KRT23: variants seen among roughly 807,000 people sequenced by gnomAD.
KRT23 encodes keratin, type I cytoskeletal 23.
In KRT23, 38 loss-of-function variants were observed where a neutral mutation model predicts 47.6. The ratio of observed to expected loss-of-function variants is 0.80; its 90% CI spans 0.62 to 1.05. KRT23 has a LOEUF of 1.05. Among genes scored for constraint, KRT23 ranks in the 50% least tolerant of loss-of-function variants. KRT23 has a pLI of 0.00. For missense variants in KRT23, 503 were observed against 529.5 expected (o/e 0.95, Z 0.49); for synonymous variants, 191 against 199.0 (o/e 0.96, Z 0.34).
rs748572877 is a variant in KRT23, at chr17:40,928,558, A to G, written c.686T>C (p.Val229Ala). 6.2e-7 allele frequency: 1 copy of G among 1,613,930 alleles called. No homozygotes were observed. Among genetic ancestry groups the G allele is most frequent in the Non-Finnish European group, 8.5e-7 (1 of 1,179,950 alleles). Residue 229 changes from valine to alanine, a missense_variant, in exon 5 of 9, where the codon GTG becomes GCG. Physicochemically the swap from Val to Ala is moderately conservative, Grantham distance 64. Transcript: ENST00000209718. ...VPSDFNVNVKVDTGPREDLIK... is the reference protein window; with the variant it reads ...VPSDFNVNVKADTGPREDLIK... ...CAGATCTTCCCTGGGACCTGTATCC[A>G]CCTTCACATTGACATTGAAGTCACT...
intron 2 of KRT23, among the ~76,000 whole-genome samples, chr17:40,932,823 A>T (rs1909789170): frequency 6.6e-6 from 1 of 152,222 alleles, no homozygotes; most frequent in Non-Finnish European, 1.5e-5. Flanking sequence ...AATGCACAAT[A>T]GCAGGATTTA....
At chr17:40,926,100 C>G (rs1358046675) in intron 6 of KRT23, among the ~76,000 whole-genome samples, 2 of 151,862 alleles carry the variant, frequency 1.3e-5, no homozygotes, top group Non-Finnish European at 2.9e-5. Flanking sequence ...ACCCTAGTCT[C>G]AAGCAATGCT....
In KRT23 at chr17:40,936,225, T is replaced by G. The variant is rs771258406; in HGVS notation, c.379A>C (p.Thr127Pro). Residue 127 changes from threonine (T) to proline (P), a missense_variant, in exon 2 of 9, where the codon ACA becomes CCA. Coordinates refer to ENST00000209718, the MANE Select transcript of KRT23 (RefSeq NM_015515.5). ...CATCTTACCTGCTCCTGCAGGTGTG[T>G]GATGTTTTCCTCATACTGGGAATAA... is the stretch of plus-strand genomic sequence containing the variant. ...KDYSQYEENI[T>P]HLQEQIVDGK... 6.2e-7 allele frequency: 1 copy of G among 1,614,200 alleles called. No individual in the cohort carries two copies. The highest frequency in any genetic ancestry group is 8.5e-7 in the Non-Finnish European group (1 of 1,180,052).
intron 2 of KRT23, among the ~76,000 whole-genome samples, chr17:40,935,452 C>A (rs1909995049): frequency 6.6e-6 from 1 of 152,056 alleles, no homozygotes; most frequent in African/African-American, 2.4e-5. Flanking sequence ...TGAGACATCC[C>A]AGAAGGTATT....
At chr17:40,923,120 T>C (rs1284858277) in intron 8 of KRT23, 37 bp from the exon 9 acceptor site, 1 of 1,446,256 alleles carries the variant, frequency 6.9e-7, no homozygotes, top group Admixed American at 1.7e-5. Context: ...ACTGCCATGC[T>C]TCTTCCACCA....
At chr17:40,930,142 A>G (rs746792302) in intron 3 of KRT23, 46 bp from the exon 4 acceptor site, 1 of 1,558,334 alleles carries the variant, frequency 6.4e-7, no homozygotes, top group Non-Finnish European at 8.7e-7. Context: ...TTGGAAGGCC[A>G]TGGTTTTTGA....
intron 8 of KRT23, among the ~76,000 whole-genome samples, chr17:40,923,651 C>A (rs975882109): frequency 6.6e-6 from 1 of 152,218 alleles, no homozygotes; most frequent in African/African-American, 2.4e-5. Flanking sequence ...AAAACCTCTC[C>A]ATTGGGACCA....
intron 4 of KRT23, among the ~76,000 whole-genome samples, chr17:40,929,036 A>G (rs1453789626): frequency 6.7e-6 from 1 of 149,022 alleles, no homozygotes; most frequent in Admixed American, 6.8e-5. Flanking sequence ...CCAAAAAAAA[A>G]AAAAAAAAAA....
At chr17:40,929,251 A>G (rs1909469752) in intron 4 of KRT23, among the ~76,000 whole-genome samples, 1 of 152,220 alleles carries the variant, frequency 6.6e-6, no homozygotes, top group Non-Finnish European at 1.5e-5. Flanking sequence ...TCAAGAGGCA[A>G]ACAGCAGAAA....
chr17:40,936,389 C>G lies in KRT23; in HGVS notation c.215G>C (p.Gly72Ala). The G allele has an allele frequency of 4.3e-6, 7 of 1,614,198 alleles. No individual in the cohort carries two copies. Among genetic ancestry groups the G allele is most frequent in the Non-Finnish European group, 5.9e-6 (7 of 1,180,024 alleles). Residue 72 changes from glycine to alanine, a missense_variant, in exon 2 of 9, where the codon GGG becomes GCG. By Grantham distance (60) the Gly-to-Ala change is moderately conservative. Transcript: ENST00000209718. ...GTTGAGATTCTGCATGGTGGCCTTC[C>G]CATTTCCGCCTAGTAGGGGGCTGCT... is the stretch of plus-strand genomic sequence containing the variant. Reference protein sequence around the residue: ...GRSSPLLGGNGKATMQNLNDR... With the variant: ...GRSSPLLGGNAKATMQNLNDR...
intron 2 of KRT23, among the ~76,000 whole-genome samples, chr17:40,933,589 T>C (rs1477875945): frequency 6.6e-6 from 1 of 152,222 alleles, no homozygotes; most frequent in Non-Finnish European, 1.5e-5. Flanking sequence ...TGGGTTAAAT[T>C]GGTAATTTAT....
In KRT23 at chr17:40,930,035, T is replaced by A. The variant is rs1267123205; in HGVS notation, c.541A>T (p.Thr181Ser). Residue 181 changes from threonine to serine, a missense_variant, in exon 4 of 9, where the codon ACC (threonine) becomes TCC (serine). Physicochemically the swap from Thr to Ser is moderately conservative, Grantham distance 58. Coordinates refer to ENST00000209718, the MANE Select transcript of KRT23 (RefSeq NM_015515.5). Reference sequence around the variant, plus strand: ...GTGACAATGGTCAGGTTGTCTAAGGTCCTTCGGAGGCCCTCGACTTCAATT... The same window carrying A: ...GTGACAATGGTCAGGTTGTCTAAGGACCTTCGGAGGCCCTCGACTTCAATT... ...LEIEVEGLRR[T>S]LDNLTIVTTD... is the part of the protein sequence containing the mutation. 6.2e-7 allele frequency: 1 copy of A among 1,613,936 alleles called. No individual in the cohort carries two copies. Among genetic ancestry groups the A allele is most frequent in the Non-Finnish European group, 8.5e-7 (1 of 1,179,922 alleles).
chr17:40,931,780 A>G (rs556054346), intron 2 of KRT23, among the ~76,000 whole-genome samples: 3 of 152,214 alleles, frequency 2.0e-5, no homozygotes, highest in Non-Finnish European at 4.4e-5. Context: ...TAATTGTTCA[A>G]AATGCCCTCT....
At chr17:40,936,174 C>G (rs1464527402) in intron 2 of KRT23, 34 bp downstream of exon 2, 29 of 1,612,566 alleles carry the variant, frequency 1.8e-5, no homozygotes, top group Non-Finnish European at 2.1e-5. Context: ...CAAAGCAGCC[C>G]CATCTGGATC....
At chr17:40,928,777 T>C (rs570590095) in intron 4 of KRT23, 170 bp from the exon 5 acceptor site, 42 of 574,642 alleles carry the variant, frequency 7.3e-5, no homozygotes, top group South Asian at 2.6e-4. Flanking sequence ...TGATAAAACA[T>C]TGTATACTTT....
rs1206659561 is a variant in KRT23, at chr17:40,936,512, G to A, written c.92C>T (p.Ala31Val). ...GWGRPRSFPR[A>V]PTVHGGAGGA... ...CCCCGCACCGCCATGGACGGTGGGA[G>A]CCCTGGGGAAGCTCCTGGGCCGGCC... Residue 31 changes from alanine (A) to valine (V), a missense_variant, in exon 2 of 9, where the codon GCT (alanine) becomes GTT (valine). Coordinates refer to ENST00000209718, the MANE Select transcript of KRT23 (RefSeq NM_015515.5). 3 of 1,529,760 alleles carry A rather than the reference G, an allele frequency of 2.0e-6. No homozygotes were observed. Among genetic ancestry groups the A allele is most frequent in the East Asian group, 2.3e-5 (1 of 44,188 alleles). 94.8% of individuals were successfully genotyped at this position (1,529,760 alleles called of 1,614,324 possible). A position where few individuals can be genotyped will look rare whatever the true frequency, so the allele number is the denominator to read the frequency against.
intron 2 of KRT23, 139 bp downstream of exon 2, chr17:40,936,068 TC>T: frequency 1.2e-6 from 1 of 828,468 alleles, no homozygotes; most frequent in East Asian, 2.6e-5. Context: ...TAAGAAAACA[TC>T]CCCCAAAACC....
intron 6 of KRT23, among the ~76,000 whole-genome samples, chr17:40,927,396 A>G (rs1909294220): frequency 6.6e-6 from 1 of 152,116 alleles, no homozygotes; most frequent in South Asian, 2.1e-4. Context: ...TTATTTTTGT[A>G]CTCATGATCT....
Position 40,923,019 on chromosome 17 carries a change from A to G in KRT23, c.1239T>C (p.Cys413=), listed in dbSNP as rs763639171. The change falls in exon 9 of 9, where the codon TGT becomes TGC. Residue 413 remains cysteine (C), a synonymous_variant. Transcript: ENST00000209718. ...CGTGCTTTTGGATTTCATTCACTTG[A>G]CAAAGAACTAATCTTCCGTTGATGG... is the stretch of plus-strand genomic sequence containing the variant. The part of the protein sequence containing the change: ...QETINGRLVL[C]QVNEIQKHA 1 of 1,614,066 alleles carries G rather than the reference A, an allele frequency of 6.2e-7. No homozygotes were observed. The highest frequency in any genetic ancestry group is 8.5e-7 in the Non-Finnish European group (1 of 1,179,902).
Sources: gnomAD v4.1 joint callset for allele counts (sites outside exome capture counted in the v4.1 genomes callset) on GRCh38, gnomAD v4.1.1 for gene constraint, MANE v1.5 for transcripts, NCBI Gene and HGNC (gene_info 2026-07-23, HGNC 2026-07-21) for gene names.